The following ATL1 variants were observed in gnomAD, a reference collection of about 807,000 sequenced individuals.
ATL1 encodes atlastin GTPase 1.
In ATL1, 31 loss-of-function variants were observed where a neutral mutation model predicts 75.5. The observed-to-expected ratio is 0.41, with a 90% CI of 0.31 to 0.55. The LOEUF (loss-of-function observed/expected upper bound fraction) is 0.55, where lower values mean the gene tolerates loss of function less well. ATL1 is among the 20% of genes least tolerant of loss of function. The pLI is 0.27. For synonymous variants in ATL1, 226 were observed against 233.3 expected (o/e 0.97, Z 0.28); for missense variants, 405 against 662.6 (o/e 0.61, Z 4.27).
intron 5 of ATL1, among the ~76,000 whole-genome samples, chr14:50,594,755 G>A (rs1029381526): frequency 2.0e-5 from 3 of 152,188 alleles, no homozygotes; most frequent in African/African-American, 7.2e-5. Context: ...AGCAGTTTAG[G>A]AGGCTGAGGC....
At chr14:50,616,106 G>A (rs1185742060) in intron 8 of ATL1, among the ~76,000 whole-genome samples, 1 of 152,030 alleles carries the variant, frequency 6.6e-6, no homozygotes, top group East Asian at 1.9e-4. Flanking sequence ...CCATCCTTTT[G>A]CCTTAGCCTC....
At chr14:50,628,525 C>A in intron 12 of ATL1, 63 bp downstream of exon 12, 1 of 1,508,270 alleles carries the variant, frequency 6.6e-7, no homozygotes, top group Admixed American at 1.9e-5. Context: ...CATGTGCCAG[C>A]CACTGCATTA....
chr14:50,592,501 A>G (rs1052227969), intron 4 of ATL1, among the ~76,000 whole-genome samples: 1 of 151,912 alleles, frequency 6.6e-6, no homozygotes, highest in African/African-American at 2.4e-5. Context: ...GGAGGAAGGA[A>G]GACTGAATTT....
At chr14:50,590,294 TCTCTGCTTCTTCATAA>T (rs1381509753) in intron 2 of ATL1, among the ~76,000 whole-genome samples, 2 of 152,228 alleles carry the variant, frequency 1.3e-5, no homozygotes, top group Non-Finnish European at 2.9e-5. Context: ...TGATAATTCA[TCTCTGCTTCTTCATAA>T]CTTTCCGTCG....
intron 4 of ATL1, among the ~76,000 whole-genome samples, chr14:50,592,525 C>A (rs1251955800): frequency 7.4e-6 from 1 of 134,276 alleles, no homozygotes; most frequent in African/African-American, 2.5e-5. Flanking sequence ...AAATAAAGGA[C>A]TTTAAAGTAA....
At chr14:50,584,521 G>A (rs2140198306) in intron 1 of ATL1, among the ~76,000 whole-genome samples, 1 of 152,244 alleles carries the variant, frequency 6.6e-6, no homozygotes, top group African/African-American at 2.4e-5. Context: ...GGCTAACATG[G>A]TGAAACCTTG....
rs535284946 is a variant in ATL1 at position 50,594,824 on chromosome 14, A to G, written c.574-752A>G. Among the ~76,000 whole-genome samples, 11 of 152,124 alleles carry G rather than the reference A, an allele frequency of 7.2e-5. No homozygotes were observed. In the East Asian group the frequency reaches 2.1e-3, roughly 30 times the overall value. ...AGCCTGGGCAACATGGTGAAACCCT[A>G]TCTCTACCAAAAATACAAAAATTAG... On this transcript the variant is annotated intron_variant, in intron 5 of 13. Transcript: ENST00000358385.
intron 1 of ATL1, among the ~76,000 whole-genome samples, chr14:50,568,387 A>G (rs150036141): frequency 1.3e-5 from 2 of 152,256 alleles, no homozygotes; most frequent in Admixed American, 1.3e-4. Flanking sequence ...AGCCTGGACA[A>G]CATAACAAGA....
intron 12 of ATL1, 140 bp downstream of exon 12, chr14:50,628,602 T>C (rs577593218): frequency 2.5e-6 from 2 of 802,094 alleles, no homozygotes; most frequent in South Asian, 2.9e-5. Context: ...CCTGCCCAGA[T>C]ACAAGCAACT....
intron 11 of ATL1, among the ~76,000 whole-genome samples, chr14:50,623,502 G>A (rs1023942278): frequency 5.3e-5 from 8 of 151,268 alleles, no homozygotes; most frequent in Non-Finnish European, 1.2e-4. Context: ...TGGGGGGAGC[G>A]CCAGGTCTTT....
intron 1 of ATL1, among the ~76,000 whole-genome samples, chr14:50,570,744 A>C (rs1264201942): frequency 6.6e-6 from 1 of 152,018 alleles, no homozygotes; most frequent in Non-Finnish European, 1.5e-5. Flanking sequence ...TTTTCCCTTA[A>C]ATGGCCAGTA....
intron 1 of ATL1, among the ~76,000 whole-genome samples, chr14:50,562,026 C>T (rs893968545): frequency 3.3e-5 from 5 of 152,026 alleles, no homozygotes; most frequent in East Asian, 1.9e-4. Context: ...ATCATTATTG[C>T]GCAGAATTTC....
At chr14:50,597,400 A>G (rs1566726203) in intron 6 of ATL1, among the ~76,000 whole-genome samples, 1 of 152,132 alleles carries the variant, frequency 6.6e-6, no homozygotes, top group African/African-American at 2.4e-5. Context: ...ATAAAGGTCC[A>G]AAATGAGCAA....
chr14:50,623,620 GA>G (rs1043840072), intron 11 of ATL1, among the ~76,000 whole-genome samples: 6 of 128,518 alleles, frequency 4.7e-5, no homozygotes, highest in East Asian at 2.1e-4. Context: ...AACCTTTTAG[GA>G]AAAAAAAAAC....
intron 1 of ATL1, among the ~76,000 whole-genome samples, chr14:50,575,175 C>T (rs773686888): frequency 4.0e-5 from 6 of 151,672 alleles, no homozygotes; most frequent in Non-Finnish European, 7.4e-5. Context: ...CATACACACA[C>T]ATGCACAGTG....
At chr14:50,548,644 G>A (rs918263795) in intron 1 of ATL1, among the ~76,000 whole-genome samples, 2 of 152,094 alleles carry the variant, frequency 1.3e-5, no homozygotes, top group African/African-American at 4.8e-5. Context: ...CCAGCAGCTG[G>A]GACTACAGGC....
intron 1 of ATL1, among the ~76,000 whole-genome samples, chr14:50,585,626 A>G (rs1037298376): frequency 3.3e-5 from 5 of 152,196 alleles, no homozygotes; most frequent in Non-Finnish European, 7.4e-5. Context: ...TTCAATCTTT[A>G]TTTAATGGAA....
Position 50,560,731 on chromosome 14 carries a change from C to T in ATL1, c.34+432C>T, listed in dbSNP as rs558513363. On this transcript the variant is annotated intron_variant, in intron 1 of 13. Coordinates refer to ENST00000358385, the MANE Select transcript of ATL1 (RefSeq NM_015915.5). ...TAGAGCAGGCCAAGCCCCAACCCCC[C>T]TCCCCGGGAGCCGCCAACTCGCTGG... 3.0e-4 allele frequency among the ~76,000 whole-genome samples: 46 copies of T among 152,332 alleles called. 1 individual carries two copies. In the South Asian group the frequency reaches 7.2e-3, roughly 24 times the overall value.
At chr14:50,578,606 T>A (rs1186969086) in intron 1 of ATL1, among the ~76,000 whole-genome samples, 2 of 152,194 alleles carry the variant, frequency 1.3e-5, no homozygotes, top group African/African-American at 4.8e-5. Flanking sequence ...ACACTTTTTT[T>A]TCAGAGTTAT....
Sources: gnomAD v4.1 joint callset for allele counts (sites outside exome capture counted in the v4.1 genomes callset) on GRCh38, gnomAD v4.1.1 for gene constraint, MANE v1.5 for transcripts, NCBI Gene and HGNC (gene_info 2026-07-23, HGNC 2026-07-21) for gene names.